Variants in SRP68 observed in about 807,000 individuals in gnomAD.
SRP68 encodes signal recognition particle 68, also known as signal recognition particle subunit SRP68.
Under a neutral mutation model 82.2 loss-of-function variants are expected in SRP68, and 15 were observed. The observed-to-expected ratio is 0.18, with a 90% CI of 0.12 to 0.28. The LOEUF (loss-of-function observed/expected upper bound fraction) is 0.28, where lower values mean the gene tolerates loss of function less well. SRP68 is among the 10% of genes least tolerant of loss of function. The pLI is 1.00. For missense variants in SRP68, 595 were observed against 780.5 expected (o/e 0.76, Z 2.83); for synonymous variants, 261 against 292.6 (o/e 0.89, Z 1.10).
rs773532394 is a variant in SRP68, at chr17:76,067,230, G to C, written c.352C>G (p.Leu118Val). The C allele has an allele frequency of 3.7e-6, 6 of 1,613,258 alleles. No homozygotes were observed. In the African/African-American group the frequency reaches 6.7e-5, roughly 18 times the overall value. The change falls in exon 3 of 16, where the codon CTG (leucine) becomes GTG (valine). Residue 118 changes from leucine (L) to valine (V), a missense_variant. By Grantham distance (32) the Leu-to-Val change is conservative. This residue lies in a region of SRP68 where 495 missense variants were observed against 688.6 expected (regional missense o/e 0.72). Coordinates refer to ENST00000307877, the MANE Select transcript of SRP68 (RefSeq NM_014230.4). ...FTGKKVTEELLTDNRYLLLVL... is the reference protein window; with the variant it reads ...FTGKKVTEELVTDNRYLLLVL... The stretch of plus-strand genomic sequence containing the variant: ...AGCAGTCAATACCTATTATCGGTCA[G>C]AAGCTCTTCAGTCACTTTCTTCCCT...
chr17:76,046,708 G>A (rs1167288714), intron 10 of SRP68, among the ~76,000 whole-genome samples: 1 of 152,138 alleles, frequency 6.6e-6, no homozygotes, highest in Admixed American at 6.5e-5. Context: ...GTAGGAGGCC[G>A]AGGCGGGCGG....
chr17:76,055,391 G>C (rs1324163699), intron 8 of SRP68, among the ~76,000 whole-genome samples: 2 of 152,130 alleles, frequency 1.3e-5, no homozygotes, highest in African/African-American at 4.8e-5. Context: ...CACCCAAGCA[G>C]TGTACACGGT....
At position 76,040,466 on chromosome 17, in the gene SRP68, C is replaced by T. The variant is rs780799771; in HGVS notation, c.1609G>A (p.Asp537Asn). 24 of 1,613,906 alleles carry T rather than the reference C, an allele frequency of 1.5e-5. No individual in the cohort carries two copies. The Middle Eastern group carries it at 1.6e-3, about 111-fold the overall frequency. ...GAGGAGGTCTCTGTTTGATGAGCGTCGTTTGCATCTGAAAGTTTCACAGGG... is the reference window on the plus strand; with the variant it reads ...GAGGAGGTCTCTGTTTGATGAGCGTTGTTTGCATCTGAAAGTTTCACAGGG... Reference protein sequence around the residue: ...LQAAAILDANDAHQTETSSSQ... With the variant: ...LQAAAILDANNAHQTETSSSQ... The change falls in exon 15 of 16, where the codon GAC (aspartate) becomes AAC (asparagine). Residue 537 changes from aspartate (D) to asparagine (N), a missense_variant. Physicochemically the swap from Asp to Asn is conservative, Grantham distance 23. Transcript: ENST00000307877.
intron 8 of SRP68, 150 bp downstream of exon 8, chr17:76,057,253 A>C: frequency 1.3e-6 from 1 of 795,034 alleles, no homozygotes; most frequent in South Asian, 2.0e-5. Flanking sequence ...ATTTTATTCA[A>C]TAAGGCACAT....
chr17:76,060,876 T>C, intron 6 of SRP68: 1 of 494,796 alleles, frequency 2.0e-6, no homozygotes, highest in Non-Finnish European at 3.6e-6. Context: ...TCAAGACTGC[T>C]CTTCGGGGGT....
intron 9 of SRP68, chr17:76,048,734 A>G (rs2066650081): frequency 6.6e-6 from 1 of 152,256 alleles, no homozygotes; most frequent in South Asian, 2.1e-4. Context: ...GAAGCGTAAG[A>G]TAATACATTT....
At position 76,072,297 on chromosome 17, in the gene SRP68, C is replaced by G. The variant is rs1200863659; in HGVS notation, c.184+11G>C. 1 of 1,611,596 alleles carries G rather than the reference C, an allele frequency of 6.2e-7. No individual in the cohort carries two copies. The highest frequency in any genetic ancestry group is 1.3e-5 in the African/African-American group (1 of 74,474). On this transcript the variant is annotated intron_variant, in intron 1 of 15. Coordinates refer to ENST00000307877, the MANE Select transcript of SRP68 (RefSeq NM_014230.4). This position sits in a 1 kb window ranked among gnomAD's most constrained non-coding sequence, Gnocchi z 4.5. The stretch of plus-strand genomic sequence containing the variant: ...AATCATTGCGAGTTAGGCCCGATTA[C>G]TCTAGGATACTCTCCAAACTCAGGC...
chr17:76,070,222 C>CAAAAAAAAAAAAA (rs386386662), intron 2 of SRP68, among the ~76,000 whole-genome samples, 156 bp downstream of exon 2: 2 of 95,438 alleles, frequency 2.1e-5, no homozygotes, highest in Admixed American at 1.1e-4. Flanking sequence ...GACTCCATCT[C>CAAAAAAAAAAAAA]AAAAAAAAAA....
Position 76,045,405 on chromosome 17 carries a change from A to G in SRP68, c.1300-19T>C. 6.4e-7 allele frequency: 1 copy of G among 1,559,292 alleles called. No homozygotes were observed. The highest frequency in any genetic ancestry group is 8.8e-7 in the Non-Finnish European group (1 of 1,132,034). On this transcript the variant is annotated intron_variant, in intron 11 of 15. Coordinates refer to ENST00000307877, the MANE Select transcript of SRP68 (RefSeq NM_014230.4). The stretch of plus-strand genomic sequence containing the variant: ...CCAGATTCTGTACAACAGATGCAAC[A>G]AGAAAATTCATGAAGAGTAGATCTT...
At chr17:76,040,079 G>T in intron 15 of SRP68, 146 bp from the exon 16 acceptor site, 3 of 789,154 alleles carry the variant, frequency 3.8e-6, no homozygotes, top group Non-Finnish European at 4.1e-6. Context: ...ACGAGGAGGG[G>T]CTACCACATC....
chr17:76,070,363 G>T lies in SRP68; in HGVS notation c.251+15C>A. ...TCCCACAATGATTTCCAAACATCTT[G>T]TATGTGATACTAACCTGTACCTCTG... On this transcript the variant is annotated intron_variant, in intron 2 of 15. Transcript: ENST00000307877. The T allele has an allele frequency of 6.2e-7, 1 of 1,608,082 alleles. No homozygotes were observed. The highest frequency in any genetic ancestry group is 8.5e-7 in the Non-Finnish European group (1 of 1,174,834).
rs541130443 is a variant in SRP68, at chr17:76,062,102, T to C, written c.562-528A>G. The stretch of plus-strand genomic sequence containing the variant: ...GAGTTGGGGACCAGCCTGGCCAACA[T>C]GGTGAAAACCTGTCTCTACTAAAAA... On this transcript the variant is annotated intron_variant, in intron 4 of 15. Transcript: ENST00000307877. Among the ~76,000 whole-genome samples, 18 of 151,922 alleles carry C rather than the reference T, an allele frequency of 1.2e-4. No homozygotes were observed. In the East Asian group the frequency reaches 3.3e-3, roughly 28 times the overall value.
At chr17:76,062,424 T>G (rs1283128561) in intron 4 of SRP68, among the ~76,000 whole-genome samples, 1 of 123,052 alleles carries the variant, frequency 8.1e-6, no homozygotes, top group African/African-American at 3.1e-5. Context: ...CACTCCAGCT[T>G]GGGACACAGT....
chr17:76,054,382 A>C (rs2066697372), intron 8 of SRP68, among the ~76,000 whole-genome samples: 1 of 152,204 alleles, frequency 6.6e-6, no homozygotes, highest in Non-Finnish European at 1.5e-5. Context: ...ATCAAACCTT[A>C]CCCAGCCCAG....
intron 8 of SRP68, among the ~76,000 whole-genome samples, chr17:76,053,265 C>CAA (rs34472995): frequency 2.4e-5 from 2 of 82,544 alleles, no homozygotes; most frequent in South Asian, 4.4e-4. Flanking sequence ...GACCCTGTCT[C>CAA]AAAAAAAAAA....
chr17:76,065,763 C>G (rs555022745), intron 3 of SRP68, among the ~76,000 whole-genome samples: 1 of 152,294 alleles, frequency 6.6e-6, no homozygotes, highest in East Asian at 1.9e-4. Context: ...AAGCTCAAGT[C>G]TCCTTTCCAA....
intron 1 of SRP68, among the ~76,000 whole-genome samples, chr17:76,070,703 G>T (rs532001200): frequency 6.6e-6 from 1 of 151,916 alleles, no homozygotes; most frequent in African/African-American, 2.4e-5. Flanking sequence ...TTAGCCGGGC[G>T]CAATGGCTAG....
rs773326228 is a variant in SRP68, at chr17:76,039,548, C to T, written c.*158G>A. 1.4e-5 allele frequency: 10 copies of T among 725,932 alleles called. No individual in the cohort carries two copies. The highest frequency in any genetic ancestry group is 2.4e-5 in the Admixed American group (1 of 41,962). The allele number at this position is 725,932 out of a possible 1,614,324, so 45.0% of individuals were successfully genotyped here. On this transcript the variant is annotated 3_prime_UTR_variant, in exon 16 of 16. Coordinates refer to ENST00000307877, the MANE Select transcript of SRP68 (RefSeq NM_014230.4). ...GCTCTCCTGACACGCTGCTTAAGAA[C>T]GTGTACAGACACAAGATGTAGGAAT... is the stretch of plus-strand genomic sequence containing the variant.
intron 10 of SRP68, 140 bp downstream of exon 10, chr17:76,047,766 G>C: frequency 3.2e-6 from 1 of 310,304 alleles, no homozygotes; most frequent in Non-Finnish European, 5.5e-6. Context: ...TCCAGCCTGA[G>C]TGACAGAGCT....
Sources: gnomAD v4.1 joint callset for allele counts (sites outside exome capture counted in the v4.1 genomes callset) on GRCh38, gnomAD v4.1.1 for gene constraint, gnomAD v4.1.1 regional missense constraint, Gnocchi (gnomAD v3.1) non-coding constraint, MANE v1.5 for transcripts, NCBI Gene and HGNC (gene_info 2026-07-23, HGNC 2026-07-21) for gene names.